ITSN1: variants seen among roughly 807,000 people sequenced by gnomAD.
ITSN1 encodes intersectin 1.
Under a neutral mutation model 239.8 loss-of-function variants are expected in ITSN1, and 58 were observed. The observed-to-expected ratio is 0.24, with a 90% CI of 0.20 to 0.30. The LOEUF (loss-of-function observed/expected upper bound fraction) is 0.30, where lower values mean the gene tolerates loss of function less well. ITSN1 is among the 10% of genes least tolerant of loss of function. The pLI is 1.00. For synonymous variants in ITSN1, 780 were observed against 770.8 expected, an observed-to-expected ratio of 1.01 and a Z score of -0.20; for missense variants, 1,558 against 2,103.3, an observed-to-expected ratio of 0.74 and a Z score of 5.07.
In ITSN1 at chr21:33,811,120, C is replaced by A; in HGVS notation, c.2465C>A (p.Ala822Asp). The change falls in exon 21 of 40, where the codon GCC becomes GAC. Residue 822 changes from alanine (A) to aspartate (D), a missense_variant. Around this residue, in one of 2 missense-constraint regions of ITSN1, gnomAD observed 982 missense variants for 1,209.9 expected, o/e 0.81. Coordinates refer to ENST00000381318, the MANE Select transcript of ITSN1 (RefSeq NM_003024.3). ...AAACCAGTGACTGATTCAACATCTG[C>A]CCCTGCCCCCAAACTGGCCTTGCGT... ...PVKPVTDSTSAPAPKLALRET... is the reference protein window; with the variant it reads ...PVKPVTDSTSDPAPKLALRET... 6.2e-7 allele frequency: 1 copy of A among 1,614,110 alleles called. No individual in the cohort carries two copies.
At chr21:33,774,192 A>G (rs1449774895) in intron 12 of ITSN1, among the ~76,000 whole-genome samples, 1 of 152,090 alleles carries the variant, frequency 6.6e-6, no homozygotes, top group Non-Finnish European at 1.5e-5. Flanking sequence ...TCTGATATGT[A>G]CTCTATCTAG....
intron 16 of ITSN1, among the ~76,000 whole-genome samples, chr21:33,782,761 C>G (rs552004901): frequency 2.0e-4 from 31 of 152,142 alleles, no homozygotes; most frequent in Non-Finnish European, 4.3e-4. Context: ...CGTGGTGGCT[C>G]ATGCCTGTAA....
At chr21:33,789,029 T>C (rs1656746070) in intron 16 of ITSN1, among the ~76,000 whole-genome samples, 1 of 152,228 alleles carries the variant, frequency 6.6e-6, no homozygotes, top group Non-Finnish European at 1.5e-5. Flanking sequence ...GGGTATAGTT[T>C]CTGTGTTCTG....
At chr21:33,672,872 C>A (rs550980155) in intron 1 of ITSN1, among the ~76,000 whole-genome samples, 40 of 152,144 alleles carry the variant, frequency 2.6e-4, no homozygotes, top group Admixed American at 3.9e-4. Context: ...CCACCACGCC[C>A]TGCTAATTTT....
Position 33,859,137 on chromosome 21 carries a change from T to TA in ITSN1, c.3890+345_3890+346insA, listed in dbSNP as rs1979969925. Among the ~76,000 whole-genome samples, 8 of 152,298 alleles carry TA rather than the reference T, an allele frequency of 5.3e-5. 1 individual carries two copies. The South Asian group carries it at 1.5e-3, about 28-fold the overall frequency. ...GGGGCTGCCCCCTCTACGCTTTCCC[T>TA]CGGACGCGGGATCCCATGGGGGATT... On this transcript the variant is annotated intron_variant, in intron 31 of 39. Coordinates refer to ENST00000381318, the MANE Select transcript of ITSN1 (RefSeq NM_003024.3).
chr21:33,848,053 C>T (rs188972164), intron 29 of ITSN1, among the ~76,000 whole-genome samples: 2 of 152,352 alleles, frequency 1.3e-5, no homozygotes, highest in African/African-American at 2.4e-5. Flanking sequence ...ACACAGCTGC[C>T]GCACTGATCC....
intron 26 of ITSN1, chr21:33,828,949 G>A (rs1213124691): frequency 2.1e-6 from 1 of 471,144 alleles, no homozygotes; most frequent in East Asian, 6.9e-5. Context: ...TTTGCATAAA[G>A]TTCCCTTCTT....
Position 33,895,568 on chromosome 21 carries a change from T to G in ITSN1, c.*7268T>G, listed in dbSNP as rs1158842063. 4 of 149,744 alleles carry G rather than the reference T, an allele frequency of 2.7e-5. No homozygotes were observed. The highest frequency in any genetic ancestry group is 4.9e-5 in the African/African-American group (2 of 40,742). 9.3% of individuals were successfully genotyped at this position (149,744 alleles called of 1,614,324 possible). ...GTGTGCACGCATGTGTGTGCGTGTATGTGTGCGTGTGTGCATGTTTGTGAG... is the reference window on the plus strand; with the variant it reads ...GTGTGCACGCATGTGTGTGCGTGTAGGTGTGCGTGTGTGCATGTTTGTGAG... On this transcript the variant is annotated 3_prime_UTR_variant, in exon 40 of 40. Transcript: ENST00000381318.
intron 1 of ITSN1, among the ~76,000 whole-genome samples, chr21:33,702,115 T>TAAACA (rs1568975034): frequency 0.013 from 13 of 992 alleles, no homozygotes; most frequent in East Asian, 0.016. Flanking sequence ...TTTTTTTTTT[T>TAAACA]TTTTTTTTTT....
rs763065231 is a variant in ITSN1, at chr21:33,767,759, G to A, written c.973G>A (p.Val325Ile). 4 of 1,613,326 alleles carry A rather than the reference G, an allele frequency of 2.5e-6. No homozygotes were observed. Among genetic ancestry groups the A allele is most frequent in the East Asian group, 2.2e-5 (1 of 44,818 alleles). ...SGISVISSTS[V>I]DQRLPEEPVL... ...TATATCTGTCATAAGCTCAACATCT[G>A]TAGATCAGAGGCTACCAGAGGAACC... is the stretch of plus-strand genomic sequence containing the variant. Residue 325 changes from valine to isoleucine, a missense_variant, in exon 11 of 40, where the codon GTA becomes ATA. Coordinates refer to ENST00000381318, the MANE Select transcript of ITSN1 (RefSeq NM_003024.3).
intron 26 of ITSN1, among the ~76,000 whole-genome samples, chr21:33,828,463 C>T (rs1047605226): frequency 6.6e-6 from 1 of 152,226 alleles, no homozygotes; most frequent in African/African-American, 2.4e-5. Flanking sequence ...GTGCTTCTAT[C>T]CTGGTGGCCG....
At chr21:33,644,330 TAAG>T (rs1009832233) in intron 1 of ITSN1, among the ~76,000 whole-genome samples, 1 of 152,198 alleles carries the variant, frequency 6.6e-6, no homozygotes, top group African/African-American at 2.4e-5. Flanking sequence ...TCATATAAAT[TAAG>T]AAGTGAGGGA....
At chr21:33,753,943 ATAACT>A (rs1437653413) in intron 7 of ITSN1, among the ~76,000 whole-genome samples, 3 of 152,144 alleles carry the variant, frequency 2.0e-5, no homozygotes, top group African/African-American at 7.2e-5. Context: ...CACCTTTTTA[ATAACT>A]TAAATTTCTA....
chr21:33,745,513 G>A (rs1004238567), intron 5 of ITSN1, among the ~76,000 whole-genome samples: 8 of 152,202 alleles, frequency 5.3e-5, no homozygotes, highest in African/African-American at 1.7e-4. Context: ...AATCATTTAT[G>A]CCTGAAAAGC....
Position 33,781,440 on chromosome 21 carries a change from ATTTTC to A in ITSN1, c.1597-20_1597-16del. ...GTAGCCTTCCCTGTCATTCATTACT[ATTTTC>A]CTCCTTCCTTCCCAGGAATCTCAGC... On this transcript the variant is annotated splice_polypyrimidine_tract_variant and intron_variant, in intron 14 of 39. Coordinates refer to ENST00000381318, the MANE Select transcript of ITSN1 (RefSeq NM_003024.3). 1 of 1,391,464 alleles carries A rather than the reference ATTTTC, an allele frequency of 7.2e-7. No homozygotes were observed. Among genetic ancestry groups the A allele is most frequent in the Non-Finnish European group, 1.0e-6 (1 of 982,140 alleles). 86.2% of individuals were successfully genotyped at this position (1,391,464 alleles called of 1,614,324 possible).
chr21:33,679,282 A>C (rs1367062605), intron 1 of ITSN1, among the ~76,000 whole-genome samples: 1 of 152,140 alleles, frequency 6.6e-6, no homozygotes, highest in Non-Finnish European at 1.5e-5. Flanking sequence ...TTCCTATGAC[A>C]TTGTAAACGT....
At position 33,805,577 on chromosome 21, in the gene ITSN1, A is replaced by G. The variant is rs538628273; in HGVS notation, c.2319+3133A>G. 3.3e-5 allele frequency among the ~76,000 whole-genome samples: 5 copies of G among 152,264 alleles called. No homozygotes were observed. In the East Asian group the frequency reaches 5.8e-4, roughly 18 times the overall value. ...GGAACACAGCCAGGCTCCTTCATTC[A>G]CATATTGTGTGCTACAGTGGCGGAT... On this transcript the variant is annotated intron_variant, in intron 20 of 39. Coordinates refer to ENST00000381318, the MANE Select transcript of ITSN1 (RefSeq NM_003024.3).
intron 20 of ITSN1, among the ~76,000 whole-genome samples, chr21:33,807,028 T>G (rs1378269882): frequency 6.6e-6 from 1 of 152,216 alleles, no homozygotes; most frequent in African/African-American, 2.4e-5. Flanking sequence ...GAAAGTCTCT[T>G]ACAGCCCCTG....
chr21:33,828,959 T>G (rs1214991635), intron 26 of ITSN1: 1 of 471,494 alleles, frequency 2.1e-6, no homozygotes, highest in Non-Finnish European at 4.4e-6. Flanking sequence ...GTTCCCTTCT[T>G]AACTCCAGGT....
Sources: allele counts gnomAD v4.1 joint callset (sites outside exome capture counted in the v4.1 genomes callset), GRCh38; gene constraint gnomAD v4.1.1; regional missense constraint gnomAD v4.1.1; transcripts MANE v1.5; gene names NCBI Gene and HGNC (gene_info 2026-07-23, HGNC 2026-07-21).